Variants in SOX5 observed in about 807,000 individuals in gnomAD.
SOX5 encodes transcription factor SOX-5.
A neutral mutation model predicts 92.0 loss-of-function variants in SOX5; 9 were observed. The observed-to-expected ratio is 0.10, with a 90% CI of 0.06 to 0.17. The LOEUF is 0.17. Among genes scored for constraint, SOX5 ranks in the 10% least tolerant of loss-of-function variants. The probability of loss-of-function intolerance (pLI) is 1.00; values close to 1 mark genes in which losing one functional copy is unlikely to be tolerated. For synonymous variants in SOX5, 344 were observed against 336.3 expected, an observed-to-expected ratio of 1.02 and a Z score of -0.25; for missense variants, 642 against 944.5, an observed-to-expected ratio of 0.68 and a Z score of 4.20.
At chr12:24,010,925 C>T (rs1359069204) in intron 4 of SOX5, among the ~76,000 whole-genome samples, 1 of 151,418 alleles carries the variant, frequency 6.6e-6, no homozygotes, top group Non-Finnish European at 1.5e-5. Flanking sequence ...GGTGACAGAG[C>T]CATGCTCCAT....
At chr12:24,498,815 ACCTCTC>A (rs1332671832) in intron 1 of SOX5, among the ~76,000 whole-genome samples, 4 of 151,826 alleles carry the variant, frequency 2.6e-5, no homozygotes, top group African/African-American at 9.7e-5. Flanking sequence ...GCCTCTACCC[ACCTCTC>A]TCAGGGTATC....
chr12:23,969,394 C>T (rs1429258197), intron 4 of SOX5, among the ~76,000 whole-genome samples: 1 of 152,112 alleles, frequency 6.6e-6, no homozygotes, highest in Non-Finnish European at 1.5e-5. Flanking sequence ...ATTTGCCATG[C>T]TTAAAATCCT....
intron 4 of SOX5, among the ~76,000 whole-genome samples, chr12:24,029,401 A>G (rs1955232468): frequency 1.3e-5 from 2 of 151,870 alleles, no homozygotes; most frequent in South Asian, 4.1e-4. Context: ...CAGCCTCCCA[A>G]GTAGCTAGGA....
chr12:23,798,950 A>C (rs569165414), intron 3 of SOX5, among the ~76,000 whole-genome samples: 51 of 152,164 alleles, frequency 3.4e-4, no homozygotes, highest in Non-Finnish European at 6.3e-4. Context: ...GCCAAAATAG[A>C]AACATCAACA....
chr12:24,146,351 T>C (rs1030186467), intron 4 of SOX5, among the ~76,000 whole-genome samples: 2 of 152,010 alleles, frequency 1.3e-5, no homozygotes, highest in East Asian at 3.9e-4. Context: ...TCCTCAAATA[T>C]TTGGAAACTA....
At chr12:23,708,308 G>A (rs2091668920) in intron 6 of SOX5, among the ~76,000 whole-genome samples, 1 of 149,506 alleles carries the variant, frequency 6.7e-6, no homozygotes, top group African/African-American at 2.4e-5. Flanking sequence ...CCAGGAAAAG[G>A]AATCCATATA....
intron 2 of SOX5, among the ~76,000 whole-genome samples, chr12:24,338,383 T>C (rs1952156547): frequency 6.6e-6 from 1 of 152,210 alleles, no homozygotes; most frequent in Non-Finnish European, 1.5e-5. Flanking sequence ...TGCTCTGTTC[T>C]TCATGTAAAA....
At chr12:24,321,531 C>T (rs74070007) in intron 2 of SOX5, among the ~76,000 whole-genome samples, 126 of 152,086 alleles carry the variant, frequency 8.3e-4, no homozygotes, top group African/African-American at 2.9e-3. Flanking sequence ...GGAAAATAAA[C>T]GTCTAGATAT....
chr12:23,696,477 A>G (rs1260412007), intron 6 of SOX5, among the ~76,000 whole-genome samples: 1 of 152,092 alleles, frequency 6.6e-6, no homozygotes, highest in Non-Finnish European at 1.5e-5. Context: ...TCTCATTTCT[A>G]CAATTTCAAA....
chr12:24,030,551 G>A (rs985393466), intron 4 of SOX5, among the ~76,000 whole-genome samples: 2 of 151,986 alleles, frequency 1.3e-5, no homozygotes, highest in Middle Eastern at 3.4e-3. Flanking sequence ...ACTCAAAATA[G>A]AATAAAGACT....
Position 24,533,022 on chromosome 12 carries a change from T to A in SOX5, c.-251+29307A>T, listed in dbSNP as rs79458877. On this transcript the variant is annotated intron_variant, in intron 1 of 4. Transcript: ENST00000446891. Reference sequence around the variant, plus strand: ...TTCCATTATAGCAAGGTAAATTGATTTAGAAGTCTATATCCTCAATGAATT... The same window carrying A: ...TTCCATTATAGCAAGGTAAATTGATATAGAAGTCTATATCCTCAATGAATT... Among the ~76,000 whole-genome samples the A allele has an allele frequency of 3.4e-3, 518 of 152,358 alleles. 8 individuals are homozygous for A. Among genetic ancestry groups the A allele is most frequent in the East Asian group, 8.1e-3 (42 of 5,194 alleles).
At chr12:23,907,785 T>C (rs1595552744) in intron 1 of SOX5, among the ~76,000 whole-genome samples, 1 of 152,200 alleles carries the variant, frequency 6.6e-6, no homozygotes, top group Non-Finnish European at 1.5e-5. Flanking sequence ...AGAATATCTA[T>C]TCAGGCTTTA....
At chr12:23,567,818 T>A (rs1269668687) in intron 10 of SOX5, among the ~76,000 whole-genome samples, 1 of 152,128 alleles carries the variant, frequency 6.6e-6, no homozygotes, top group Non-Finnish European at 1.5e-5. Flanking sequence ...ATTCTCAAAA[T>A]TTCTGTTTTT....
chr12:23,682,408 A>G lies in SOX5; in HGVS notation c.811-16844T>C, dbSNP rs187502588. 2.3e-4 allele frequency among the ~76,000 whole-genome samples: 35 copies of G among 150,346 alleles called. No individual in the cohort carries two copies. The South Asian group carries it at 4.4e-3, about 19-fold the overall frequency. ...AATTGAGTCTAAGTTTCCATTAAAA[A>G]TACAATTTGATTATTGAAATATGAT... is the stretch of plus-strand genomic sequence containing the variant. On this transcript the variant is annotated intron_variant, in intron 6 of 14. Coordinates refer to ENST00000451604, the MANE Select transcript of SOX5 (RefSeq NM_006940.6).
chr12:24,412,743 T>C (rs1485090927), intron 1 of SOX5, among the ~76,000 whole-genome samples: 1 of 151,866 alleles, frequency 6.6e-6, no homozygotes, highest in Admixed American at 6.6e-5. Context: ...ATGAAAAGAA[T>C]GTGTGTGCTG....
intron 4 of SOX5, among the ~76,000 whole-genome samples, chr12:24,083,770 A>G (rs564967157): frequency 6.6e-6 from 1 of 152,060 alleles, no homozygotes; most frequent in Non-Finnish European, 1.5e-5. Context: ...AAACACAAGG[A>G]AACAGTAATA....
intron 4 of SOX5, among the ~76,000 whole-genome samples, chr12:23,959,853 T>C (rs373243428): frequency 1.5e-3 from 232 of 152,300 alleles, no homozygotes; most frequent in African/African-American, 5.3e-3. Context: ...AAATAAACTA[T>C]CAGCTTGGTA....
chr12:24,467,544 G>A (rs1944356821), intron 1 of SOX5, among the ~76,000 whole-genome samples: 1 of 152,170 alleles, frequency 6.6e-6, no homozygotes, highest in South Asian at 2.1e-4. Context: ...ATTGGTACGT[G>A]CAGGAACCAC....
At chr12:24,248,067 C>T (rs1050426166) in intron 3 of SOX5, among the ~76,000 whole-genome samples, 5 of 152,184 alleles carry the variant, frequency 3.3e-5, no homozygotes, top group African/African-American at 1.2e-4. Context: ...CGGAGCTTAT[C>T]ATTCAAGATG....
Sources: gnomAD v4.1 joint callset for allele counts (sites outside exome capture counted in the v4.1 genomes callset) on GRCh38, gnomAD v4.1.1 for gene constraint, MANE v1.5 for transcripts, NCBI Gene and HGNC (gene_info 2026-07-23, HGNC 2026-07-21) for gene names.